PDE8B: variants seen among roughly 807,000 people sequenced by gnomAD.
PDE8B encodes phosphodiesterase 8B, also known as high affinity cAMP-specific and IBMX-insensitive 3',5'-cyclic phosphodiesterase 8B.
PDE8B carries 26 observed loss-of-function variants against 101.3 expected under a neutral mutation model. The observed-to-expected ratio is 0.26, with a 90% CI of 0.19 to 0.36. The LOEUF (loss-of-function observed/expected upper bound fraction) is 0.36, where lower values mean the gene tolerates loss of function less well. PDE8B is among the 10% of genes least tolerant of loss of function. The pLI is 1.00. For synonymous variants in PDE8B, 424 were observed against 429.3 expected, an observed-to-expected ratio of 0.99 and a Z score of 0.15; for missense variants, 810 against 1,163.1, an observed-to-expected ratio of 0.70 and a Z score of 4.42.
chr5:77,108,716 AT>A, the PDE8B span, among the ~76,000 whole-genome samples: 5 of 152,212 alleles, frequency 3.3e-5, no homozygotes, highest in Admixed American at 1.3e-4. Flanking sequence ...AATGAAAAAA[AT>A]ATCAATAGTT....
At chr5:77,232,317 T>C (rs992434319) in intron 1 of PDE8B, among the ~76,000 whole-genome samples, 6 of 152,232 alleles carry the variant, frequency 3.9e-5, no homozygotes, top group African/African-American at 1.4e-4. Context: ...TTAGTGCATA[T>C]CATTGTATTG....
At chr5:77,292,304 G>T (rs1479958965) in intron 1 of PDE8B, among the ~76,000 whole-genome samples, 1 of 152,116 alleles carries the variant, frequency 6.6e-6, no homozygotes, top group Non-Finnish European at 1.5e-5. Flanking sequence ...AACAGTTTGT[G>T]GTTATGGTGA....
At chr5:77,339,331 C>T (rs1161057201) in intron 6 of PDE8B, among the ~76,000 whole-genome samples, 1 of 152,130 alleles carries the variant, frequency 6.6e-6, no homozygotes, top group Non-Finnish European at 1.5e-5. Flanking sequence ...AAGGTAGTGG[C>T]CCCAGGAAAG....
intron 11 of PDE8B, 82 bp downstream of exon 11, chr5:77,400,372 A>T: frequency 1.1e-6 from 1 of 912,202 alleles, no homozygotes; most frequent in Non-Finnish European, 1.8e-6. Context: ...AAGAAGTCTA[A>T]GTTGACATCT....
At chr5:77,251,014 C>T (rs983946771) in intron 1 of PDE8B, among the ~76,000 whole-genome samples, 2 of 152,294 alleles carry the variant, frequency 1.3e-5, no homozygotes, top group South Asian at 2.1e-4. Flanking sequence ...AAGACAGTTT[C>T]GATAGCTAGG....
the PDE8B span, among the ~76,000 whole-genome samples, chr5:77,149,926 G>A: frequency 6.6e-6 from 1 of 152,076 alleles, no homozygotes; most frequent in Admixed American, 6.5e-5. Context: ...CAGTTTCCTT[G>A]AGGAAATGAA....
chr5:77,299,797 G>A (rs1044786941), intron 1 of PDE8B, among the ~76,000 whole-genome samples: 4 of 152,120 alleles, frequency 2.6e-5, no homozygotes, highest in Non-Finnish European at 5.9e-5. Context: ...CAGTAATGGG[G>A]TGGCTGGGTC....
At chr5:77,124,925 G>C in the PDE8B span, among the ~76,000 whole-genome samples, 106,960 of 152,086 alleles carry the variant, frequency 0.7, 37,884 homozygotes, top group South Asian at 0.81. Flanking sequence ...AAAAATGTTT[G>C]AAGAATTAAT....
intron 17 of PDE8B, among the ~76,000 whole-genome samples, chr5:77,416,344 A>G (rs1795558068): frequency 6.6e-6 from 1 of 152,242 alleles, no homozygotes; most frequent in South Asian, 2.1e-4. Flanking sequence ...CAGTGGCACT[A>G]GCTGGAGGCC....
At chr5:77,425,927 A>G (rs767565989) in intron 21 of PDE8B, 31 bp downstream of exon 21, 3 of 1,601,576 alleles carry the variant, frequency 1.9e-6, no homozygotes, top group African/African-American at 2.7e-5. Context: ...TCACCCAAAG[A>G]AAATTGTTAT....
At chr5:77,419,721 T>G (rs749449983) in intron 18 of PDE8B, 46 bp from the exon 19 acceptor site, 2 of 1,610,884 alleles carry the variant, frequency 1.2e-6, no homozygotes, top group Non-Finnish European at 1.7e-6. Context: ...TAGTTATAAT[T>G]TGAGACACGC....
At chr5:77,108,110 A>AAAGATG in the PDE8B span, among the ~76,000 whole-genome samples, 1 of 152,252 alleles carries the variant, frequency 6.6e-6, no homozygotes, top group Non-Finnish European at 1.5e-5. Context: ...CTGGGATTGC[A>AAAGATG]AAGATGAAGA....
At chr5:77,302,154 G>A (rs1770099679) in intron 1 of PDE8B, among the ~76,000 whole-genome samples, 1 of 152,162 alleles carries the variant, frequency 6.6e-6, no homozygotes, top group Non-Finnish European at 1.5e-5. Context: ...TGCCAGCCAA[G>A]TTTTCTGTGT....
At position 77,291,884 on chromosome 5, in the gene PDE8B, T is replaced by C. The variant is rs572891599; in HGVS notation, c.340-20110T>C. On this transcript the variant is annotated intron_variant, in intron 1 of 21. Coordinates refer to ENST00000264917, the MANE Select transcript of PDE8B (RefSeq NM_003719.5). ...AAGACAAAGAAAATTAAAGTTTTCC[T>C]TGAATAAATGCATTATTATGACTGT... 96 of 1,258,506 alleles carry C rather than the reference T, an allele frequency of 7.6e-5. No homozygotes were observed. The African/African-American group carries it at 1.3e-3, about 17-fold the overall frequency. The allele number at this position is 1,258,506 out of a possible 1,614,324, so 78.0% of individuals were successfully genotyped here. A position where few individuals can be genotyped will look rare whatever the true frequency, so the allele number is the denominator to read the frequency against.
At chr5:77,373,154 C>T (rs761189049) in intron 10 of PDE8B, among the ~76,000 whole-genome samples, 1 of 151,986 alleles carries the variant, frequency 6.6e-6, no homozygotes, top group Non-Finnish European at 1.5e-5. Context: ...TTTGGAGAAC[C>T]AACTTGTAGG....
intron 10 of PDE8B, among the ~76,000 whole-genome samples, chr5:77,383,974 G>A (rs1426166996): frequency 6.6e-6 from 1 of 152,034 alleles, no homozygotes; most frequent in African/African-American, 2.4e-5. Flanking sequence ...GCTCTTTTTT[G>A]GTTCCATTTG....
the PDE8B span, among the ~76,000 whole-genome samples, chr5:77,191,754 C>G: frequency 1.8e-4 from 28 of 152,238 alleles, no homozygotes; most frequent in Non-Finnish European, 2.8e-4. Context: ...GGGATTGTTT[C>G]GGGTTGATTC....
intron 17 of PDE8B, among the ~76,000 whole-genome samples, chr5:77,415,351 ATTTTT>A (rs71606293): frequency 4.8e-4 from 43 of 88,728 alleles, no homozygotes; most frequent in African/African-American, 2.0e-3. Flanking sequence ...ATAAGCTAAA[ATTTTT>A]TTTTTTTTTT....
chr5:77,163,682 T>G, the PDE8B span, among the ~76,000 whole-genome samples: 1 of 152,248 alleles, frequency 6.6e-6, no homozygotes, highest in Non-Finnish European at 1.5e-5. Context: ...TTGCAAAAGC[T>G]GGCCACTCTC....
Sources: allele counts gnomAD v4.1 joint callset (sites outside exome capture counted in the v4.1 genomes callset), GRCh38; gene constraint gnomAD v4.1.1; transcripts MANE v1.5; gene names NCBI Gene and HGNC (gene_info 2026-07-23, HGNC 2026-07-21).